CPQ: variants seen among roughly 807,000 people sequenced by gnomAD.
CPQ encodes carboxypeptidase Q, also known as Ser-Met dipeptidase.
In CPQ, 37 loss-of-function variants were observed where a neutral mutation model predicts 45.7. That is an observed-to-expected ratio of 0.81 (90% CI 0.62 to 1.07). CPQ has a LOEUF of 1.07. Among genes scored for constraint, CPQ ranks in the 50% least tolerant of loss-of-function variants. The pLI, the probability that CPQ is intolerant of heterozygous loss-of-function variation, is 0.00. For synonymous variants in CPQ, 186 were observed against 205.8 expected, an observed-to-expected ratio of 0.90 and a Z score of 0.82; for missense variants, 537 against 572.9, an observed-to-expected ratio of 0.94 and a Z score of 0.64.
intron 1 of CPQ, among the ~76,000 whole-genome samples, chr8:96,743,042 G>A (rs1378658008): frequency 2.0e-5 from 3 of 152,150 alleles, no homozygotes; most frequent in Non-Finnish European, 2.9e-5. Flanking sequence ...GATTGGGGAA[G>A]TTCTCCTGGA....
At chr8:96,919,236 C>T (rs1355765095) in intron 4 of CPQ, among the ~76,000 whole-genome samples, 2 of 152,058 alleles carry the variant, frequency 1.3e-5, no homozygotes, top group Non-Finnish European at 2.9e-5. Context: ...TATGACCACA[C>T]TAAACTCAGC....
chr8:96,949,019 T>C (rs2853280), intron 4 of CPQ, among the ~76,000 whole-genome samples: 71,476 of 151,886 alleles, frequency 0.47, 18,294 homozygotes, highest in African/African-American at 0.69. Flanking sequence ...ACTTTCACCC[T>C]GTATGTCTCA....
intron 6 of CPQ, among the ~76,000 whole-genome samples, chr8:97,048,632 G>C (rs1002252275): frequency 1.3e-5 from 2 of 152,180 alleles, no homozygotes; most frequent in Admixed American, 6.5e-5. Flanking sequence ...AACTGCACCT[G>C]CCAGAATGGA....
At chr8:96,879,728 C>T in intron 3 of CPQ, 70 bp from the exon 4 acceptor site, 1 of 1,067,256 alleles carries the variant, frequency 9.4e-7, no homozygotes, top group Non-Finnish European at 1.5e-6. Flanking sequence ...TATCAATATA[C>T]AGGTGCTTTC....
intron 2 of CPQ, among the ~76,000 whole-genome samples, chr8:96,824,974 A>C (rs915478698): frequency 1.3e-5 from 2 of 152,006 alleles, no homozygotes; most frequent in African/African-American, 4.8e-5. Flanking sequence ...ATATCAAGGG[A>C]CATCCCCTGT....
rs188182336 is a variant in CPQ at position 96,748,827 on chromosome 8, T to A, written c.-34-36037T>A. ...ATTCCATTTATGGAGCACTGGTGTTTTTTGTGAACGCTGTTAGGTAACAGG... is the reference window on the plus strand; with the variant it reads ...ATTCCATTTATGGAGCACTGGTGTTATTTGTGAACGCTGTTAGGTAACAGG... On this transcript the variant is annotated intron_variant, in intron 1 of 7. Transcript: ENST00000220763. 1.9e-3 allele frequency among the ~76,000 whole-genome samples: 282 copies of A among 152,288 alleles called. 2 individuals are homozygous for A. The highest frequency in any genetic ancestry group is 6.3e-3 in the African/African-American group (263 of 41,550).
intron 7 of CPQ, among the ~76,000 whole-genome samples, chr8:97,119,668 G>C (rs1811664885): frequency 6.6e-6 from 1 of 152,122 alleles, no homozygotes; most frequent in Non-Finnish European, 1.5e-5. Flanking sequence ...TACCTCAGTG[G>C]GGGATTACTT....
chr8:96,847,125 A>G (rs1001136590), intron 3 of CPQ, among the ~76,000 whole-genome samples: 2 of 152,226 alleles, frequency 1.3e-5, no homozygotes, highest in Admixed American at 6.5e-5. Context: ...TCACTTGTCT[A>G]AGGCATTATC....
chr8:96,943,345 T>C (rs1191433448), intron 4 of CPQ, among the ~76,000 whole-genome samples: 3 of 152,192 alleles, frequency 2.0e-5, no homozygotes. Context: ...TATATACTAT[T>C]TTCTCTGTAT....
chr8:96,842,683 CTTA>C lies in CPQ; in HGVS notation c.641+7509_641+7511del, dbSNP rs1811628221. On this transcript the variant is annotated intron_variant, in intron 3 of 7. Transcript: ENST00000220763. ...CAAAATGTTCTTTAATCACTGGATTCTTATTATTGTATCAGGTAGTGTGACAGG... is the reference window on the plus strand; with the variant it reads ...CAAAATGTTCTTTAATCACTGGATTCTTATTGTATCAGGTAGTGTGACAGG... 2.0e-5 allele frequency among the ~76,000 whole-genome samples: 3 copies of C among 152,160 alleles called. No individual in the cohort carries two copies. The South Asian group carries it at 6.2e-4, about 32-fold the overall frequency.
chr8:97,114,350 G>A (rs1157929374), intron 7 of CPQ, among the ~76,000 whole-genome samples: 5 of 152,176 alleles, frequency 3.3e-5, no homozygotes, highest in Non-Finnish European at 7.4e-5. Flanking sequence ...GAATTTCAGC[G>A]CTGCCGTTGA....
At chr8:96,954,762 A>C (rs1813327101) in intron 4 of CPQ, among the ~76,000 whole-genome samples, 1 of 151,912 alleles carries the variant, frequency 6.6e-6, no homozygotes, top group Non-Finnish European at 1.5e-5. Flanking sequence ...CAACCCCACA[A>C]CAGGCCCCGG....
intron 7 of CPQ, among the ~76,000 whole-genome samples, chr8:97,075,411 A>T (rs572006023): frequency 6.6e-6 from 1 of 152,240 alleles, no homozygotes; most frequent in South Asian, 2.1e-4. Flanking sequence ...CTTATGTTAC[A>T]CTTTAATCAA....
intron 1 of CPQ, among the ~76,000 whole-genome samples, chr8:96,683,365 G>A (rs1470210532): frequency 3.9e-5 from 6 of 151,948 alleles, no homozygotes; most frequent in Non-Finnish European, 5.9e-5. Flanking sequence ...GTAATTTTTT[G>A]CTGAGAAATT....
At chr8:96,962,531 A>T (rs1311031431) in intron 4 of CPQ, among the ~76,000 whole-genome samples, 4 of 152,166 alleles carry the variant, frequency 2.6e-5, no homozygotes, top group African/African-American at 9.7e-5. Context: ...TTTTTCATGA[A>T]ACTGCAGTTT....
intron 7 of CPQ, among the ~76,000 whole-genome samples, chr8:97,067,545 A>G (rs1333114558): frequency 6.6e-6 from 1 of 152,202 alleles, no homozygotes; most frequent in African/African-American, 2.4e-5. Flanking sequence ...GCTGCAAAGT[A>G]GATTTTACCA....
chr8:97,037,840 A>T (rs943772684), intron 6 of CPQ, among the ~76,000 whole-genome samples: 5 of 152,226 alleles, frequency 3.3e-5, no homozygotes, highest in African/African-American at 1.2e-4. Flanking sequence ...CTATCAAAAT[A>T]TCCCCTTTGA....
At chr8:96,906,715 A>G (rs1812582258) in intron 4 of CPQ, among the ~76,000 whole-genome samples, 1 of 152,060 alleles carries the variant, frequency 6.6e-6, no homozygotes, top group African/African-American at 2.4e-5. Flanking sequence ...GGAAGGGGCA[A>G]GGCAGCTCTC....
intron 3 of CPQ, among the ~76,000 whole-genome samples, chr8:96,855,906 C>T (rs1811842861): frequency 6.6e-6 from 1 of 152,186 alleles, no homozygotes; most frequent in Non-Finnish European, 1.5e-5. Context: ...AAAGTAAAAG[C>T]TCCATTCAGA....
Sources: allele counts gnomAD v4.1 joint callset (sites outside exome capture counted in the v4.1 genomes callset), GRCh38; gene constraint gnomAD v4.1.1; transcripts MANE v1.5; gene names NCBI Gene and HGNC (gene_info 2026-07-23, HGNC 2026-07-21).